PDCD5: variants seen among roughly 807,000 people sequenced by gnomAD.
The protein encoded by PDCD5 is programmed cell death protein 5.
Under a neutral mutation model 21.9 loss-of-function variants are expected in PDCD5, and 23 were observed. The observed-to-expected ratio is 1.05, with a 90% CI of 0.76 to 1.49. The LOEUF is 1.49. Ranked by LOEUF, PDCD5 falls within the 40% of genes most tolerant of loss-of-function variation. The pLI is 0.00. For synonymous variants in PDCD5, 45 were observed against 49.4 expected, an observed-to-expected ratio of 0.91 and a Z score of 0.37; for missense variants, 152 against 147.7, an observed-to-expected ratio of 1.03 and a Z score of -0.15.
At chr19:32,586,166 A>C (rs571969238) in intron 4 of PDCD5, 2 of 1,464,018 alleles carry the variant, frequency 1.4e-6, no homozygotes, top group Non-Finnish European at 1.8e-6. Context: ...GCTAGCTTCA[A>C]TTGCCCCTGC....
intron 3 of PDCD5, among the ~76,000 whole-genome samples, chr19:32,585,426 C>T (rs1971467026): frequency 6.6e-6 from 1 of 151,948 alleles, no homozygotes; most frequent in African/African-American, 2.4e-5. Context: ...ATGAGACAGT[C>T]AGAATGAACT....
rs1440174158 is a variant in PDCD5 at position 32,582,088 on chromosome 19, T to G, written c.67-107T>G. ...CCCAGTTTCTTATTTGGGGAGTTGT[T>G]TCTACCACCGCAAGAGACTGTTATG... On this transcript the variant is annotated intron_variant, in intron 1 of 5. Coordinates refer to ENST00000590247, the MANE Select transcript of PDCD5 (RefSeq NM_004708.4). The G allele has an allele frequency of 5.3e-6, 4 of 761,360 alleles. No homozygotes were observed. In the African/African-American group the frequency reaches 7.1e-5, roughly 14 times the overall value. The allele number at this position is 761,360 out of a possible 1,614,324, so 47.2% of individuals were successfully genotyped here.
At chr19:32,582,355 C>A in intron 2 of PDCD5, 123 bp downstream of exon 2, 1 of 760,378 alleles carries the variant, frequency 1.3e-6, no homozygotes, top group Non-Finnish European at 2.3e-6. Flanking sequence ...GTGATTTGGC[C>A]AAAATCATCC....
chr19:32,586,640 A>G (rs1043990754), intron 4 of PDCD5: 40 of 1,269,332 alleles, frequency 3.2e-5, no homozygotes, highest in Non-Finnish European at 3.7e-5. Context: ...TTTTATGGAT[A>G]CTTCCCCCTC....
chr19:32,585,875 C>T lies in PDCD5; in HGVS notation c.226C>T (p.Gln76Ter), dbSNP rs776761235. 1.2e-6 allele frequency: 2 copies of T among 1,611,454 alleles called. No individual in the cohort carries two copies. Among genetic ancestry groups the T allele is most frequent in the Non-Finnish European group, 1.7e-6 (2 of 1,177,560 alleles). The change falls in exon 4 of 6, where the codon CAG becomes TAG. Residue 76 changes from glutamine to a stop codon, truncating the protein, a stop_gained. Transcript: ENST00000590247. LOFTEE classifies it high-confidence loss of function. ...TAAAGCAGTAGAGAATTACCTTATA[C>T]AGATGGCAAGATATGGACAACTAAG... ...KTKAVENYLI[Q>*]MARYGQLSEK...
At position 32,581,233 on chromosome 19, in the gene PDCD5, C is replaced by G. The variant is rs763633056; in HGVS notation, c.-29C>G. The stretch of plus-strand genomic sequence containing the variant: ...CGCGCCGAGGGGCTGCGAGAGTGAC[C>G]GCGGCTGCTCCAGCGCTGACGCCGA... On this transcript the variant is annotated 5_prime_UTR_variant, in exon 1 of 6. Coordinates refer to ENST00000590247, the MANE Select transcript of PDCD5 (RefSeq NM_004708.4). 7 of 1,468,408 alleles carry G rather than the reference C, an allele frequency of 4.8e-6. No homozygotes were observed. The East Asian group carries it at 1.1e-4, about 24-fold the overall frequency. The allele number at this position is 1,468,408 out of a possible 1,614,324, so 91.0% of individuals were successfully genotyped here. A position where few individuals can be genotyped will look rare whatever the true frequency, so the allele number is the denominator to read the frequency against.
chr19:32,585,691 G>A (rs775305315), intron 3 of PDCD5, 125 bp from the exon 4 acceptor site: 17 of 656,982 alleles, frequency 2.6e-5, no homozygotes, highest in Non-Finnish European at 3.8e-5. Context: ...TAACAATACT[G>A]TCTTGCCCTA....
chr19:32,585,089 C>CT, intron 3 of PDCD5, 78 bp downstream of exon 3: 1 of 996,402 alleles, frequency 1.0e-6, no homozygotes, highest in Non-Finnish European at 1.6e-6. Flanking sequence ...TTATTGCTAT[C>CT]ACTAGATGAA....
At chr19:32,583,254 C>T (rs1265239752) in intron 2 of PDCD5, among the ~76,000 whole-genome samples, 3 of 152,056 alleles carry the variant, frequency 2.0e-5, no homozygotes, top group Non-Finnish European at 2.9e-5. Flanking sequence ...TGCATGCAAG[C>T]TTTTGTACTG....
At position 32,581,190 on chromosome 19, in the gene PDCD5, A is replaced by C; in HGVS notation, c.-72A>C. On this transcript the variant is annotated 5_prime_UTR_variant, in exon 1 of 6. Coordinates refer to ENST00000590247, the MANE Select transcript of PDCD5 (RefSeq NM_004708.4). ...GCCTGGGCCCCGCGAGCGCCTGCGC[A>C]GTGGTCAAGGCCGCGCTCGCGCCGA... is the stretch of plus-strand genomic sequence containing the variant. The C allele has an allele frequency of 9.5e-7, 1 of 1,052,342 alleles. No individual in the cohort carries two copies. The highest frequency in any genetic ancestry group is 3.3e-5 in the East Asian group (1 of 30,410). 65.2% of individuals were successfully genotyped at this position (1,052,342 alleles called of 1,614,324 possible). A position where few individuals can be genotyped will look rare whatever the true frequency, so the allele number is the denominator to read the frequency against.
chr19:32,586,826 A>G (rs1233976039), intron 4 of PDCD5, 32 bp from the exon 5 acceptor site: 1 of 1,589,604 alleles, frequency 6.3e-7, no homozygotes, highest in Non-Finnish European at 8.5e-7. Flanking sequence ...TTAAAAAAGT[A>G]CTGTTTTTCT....
intron 4 of PDCD5, chr19:32,586,410 A>T: frequency 8.7e-7 from 1 of 1,145,322 alleles, no homozygotes; most frequent in Non-Finnish European, 1.1e-6. Context: ...TGTCCCCTAA[A>T]CCCCTCACAC....
At chr19:32,586,092 G>T (rs79619901) in intron 4 of PDCD5, 185 bp downstream of exon 4, 2 of 1,537,770 alleles carry the variant, frequency 1.3e-6, no homozygotes, top group Non-Finnish European at 1.7e-6. Flanking sequence ...CCTCTGCTTC[G>T]CTCCTTTCCT....
At position 32,581,236 on chromosome 19, in the gene PDCD5, G is replaced by C; in HGVS notation, c.-26G>C. 6.8e-7 allele frequency: 1 copy of C among 1,477,962 alleles called. No homozygotes were observed. Among genetic ancestry groups the C allele is most frequent in the Non-Finnish European group, 9.0e-7 (1 of 1,113,450 alleles). 91.6% of individuals were successfully genotyped at this position (1,477,962 alleles called of 1,614,324 possible). On this transcript the variant is annotated 5_prime_UTR_variant, in exon 1 of 6. Coordinates refer to ENST00000590247, the MANE Select transcript of PDCD5 (RefSeq NM_004708.4). ...GCCGAGGGGCTGCGAGAGTGACCGCGGCTGCTCCAGCGCTGACGCCGAGCC... is the reference window on the plus strand; with the variant it reads ...GCCGAGGGGCTGCGAGAGTGACCGCCGCTGCTCCAGCGCTGACGCCGAGCC...
In PDCD5 at chr19:32,582,255, T is replaced by C. The variant is rs573488149; in HGVS notation, c.104+23T>C. On this transcript the variant is annotated intron_variant, in intron 2 of 5. Transcript: ENST00000590247. ...CAGGTATGGGCTGGAAACGTGAACT[T>C]TTTGAAGGGTGGTTTCACCAAATGG... 6.3e-6 allele frequency: 10 copies of C among 1,596,814 alleles called. No homozygotes were observed. In the East Asian group the frequency reaches 2.0e-4, roughly 32 times the overall value.
At position 32,586,611 on chromosome 19, in the gene PDCD5, A is replaced by T. The variant is rs545745110; in HGVS notation, c.259-247A>T. 3.2e-6 allele frequency: 4 copies of T among 1,230,886 alleles called. No homozygotes were observed. The African/African-American group carries it at 6.3e-5, about 19-fold the overall frequency. 76.2% of individuals were successfully genotyped at this position (1,230,886 alleles called of 1,614,324 possible). A position where few individuals can be genotyped will look rare whatever the true frequency, so the allele number is the denominator to read the frequency against. ...GGTGTTCTTAAATATGTTAGCTTTC[A>T]GTTTTCCTGAGGAAGCAATTTTATG... On this transcript the variant is annotated intron_variant, in intron 4 of 5. Transcript: ENST00000590247.
chr19:32,584,350 A>G (rs980692790), intron 2 of PDCD5, among the ~76,000 whole-genome samples: 1 of 152,214 alleles, frequency 6.6e-6, no homozygotes, highest in Non-Finnish European at 1.5e-5. Flanking sequence ...TTTGAAAGAA[A>G]AAAGAAACAA....
At chr19:32,585,490 A>G (rs1177043423) in intron 3 of PDCD5, among the ~76,000 whole-genome samples, 1 of 152,228 alleles carries the variant, frequency 6.6e-6, no homozygotes, top group African/African-American at 2.4e-5. Flanking sequence ...AAAGGCGGCC[A>G]CAGGTGGATC....
Position 32,587,404 on chromosome 19 carries a change from A to T in PDCD5, c.*104A>T, listed in dbSNP as rs998232481. 2 of 711,618 alleles carry T rather than the reference A, an allele frequency of 2.8e-6. No homozygotes were observed. Among genetic ancestry groups the T allele is most frequent in the Non-Finnish European group, 4.5e-6 (2 of 440,378 alleles). The allele number at this position is 711,618 out of a possible 1,614,324, so 44.1% of individuals were successfully genotyped here. A position where few individuals can be genotyped will look rare whatever the true frequency, so the allele number is the denominator to read the frequency against. ...TTGTCTATATGCCTTTTAAAAAAATAAACTTGTTATGCAAAATAAAACATT... is the reference window on the plus strand; with the variant it reads ...TTGTCTATATGCCTTTTAAAAAAATTAACTTGTTATGCAAAATAAAACATT... On this transcript the variant is annotated 3_prime_UTR_variant, in exon 6 of 6. Transcript: ENST00000590247.
Sources: allele counts gnomAD v4.1 joint callset (sites outside exome capture counted in the v4.1 genomes callset), GRCh38; gene constraint gnomAD v4.1.1; transcripts MANE v1.5; gene names NCBI Gene and HGNC (gene_info 2026-07-23, HGNC 2026-07-21).